Variants in PCSK9 observed in about 807,000 individuals in gnomAD.
The protein encoded by PCSK9 is proprotein convertase subtilisin/kexin type 9, also known as convertase subtilisin/kexin type 9 preproprotein.
In PCSK9, 57 loss-of-function variants were observed where a neutral mutation model predicts 62.1. That is an observed-to-expected ratio of 0.92 (90% CI 0.74 to 1.14). The LOEUF (loss-of-function observed/expected upper bound fraction) is 1.14. PCSK9 is among the 50% of genes most tolerant of loss of function. PCSK9 has a pLI of 0.00. For synonymous variants in PCSK9, 387 were observed against 409.4 expected, an observed-to-expected ratio of 0.95 and a Z score of 0.66; for missense variants, 870 against 959.8, an observed-to-expected ratio of 0.91 and a Z score of 1.24.
intron 3 of PCSK9, chr1:55,051,392 A>G: frequency 2.9e-6 from 1 of 339,226 alleles, no homozygotes; most frequent in Non-Finnish European, 5.8e-6. Context: ...TGCTAGCAGC[A>G]ACCTGCCTGA....
intron 3 of PCSK9, among the ~76,000 whole-genome samples, chr1:55,050,381 A>T (rs151039689): frequency 6.6e-6 from 1 of 152,122 alleles, no homozygotes; most frequent in Non-Finnish European, 1.5e-5. Context: ...TGGTCTCCAG[A>T]TGTCTTCAGG....
chr1:55,049,050 C>T (rs1417476203), intron 3 of PCSK9, among the ~76,000 whole-genome samples: 2 of 152,242 alleles, frequency 1.3e-5, no homozygotes, highest in Non-Finnish European at 2.9e-5. Context: ...TAAACAAATG[C>T]TACTTGACAC....
chr1:55,052,201 C>T (rs572435767), intron 3 of PCSK9, 77 bp from the exon 4 acceptor site: 334 of 1,597,010 alleles, frequency 2.1e-4, no homozygotes, highest in Non-Finnish European at 2.6e-4. Context: ...GGGATGTGCT[C>T]TGTAGTTTCT....
intron 3 of PCSK9, chr1:55,051,197 T>A (rs1212091991): frequency 2.2e-6 from 1 of 456,210 alleles, no homozygotes. Flanking sequence ...TGCAGCATAT[T>A]TGGAGGATCA....
intron 3 of PCSK9, 74 bp downstream of exon 3, chr1:55,046,720 C>A: frequency 1.3e-6 from 2 of 1,577,796 alleles, no homozygotes; most frequent in Non-Finnish European, 1.7e-6. Flanking sequence ...CCTGGCCTCC[C>A]TGCTGGTGGT....
At chr1:55,063,093 G>A (rs1644774942) in intron 11 of PCSK9, among the ~76,000 whole-genome samples, 1 of 152,138 alleles carries the variant, frequency 6.6e-6, no homozygotes, top group East Asian at 1.9e-4. Context: ...TCAGAGGGAT[G>A]AGTTTGGCAC....
Position 55,039,901 on chromosome 1 carries a change from C to T in PCSK9, c.64C>T (p.Leu22Phe), listed in dbSNP as rs1266907594. The T allele has an allele frequency of 6.4e-7, 1 of 1,566,250 alleles. No individual in the cohort carries two copies. Among genetic ancestry groups the T allele is most frequent in the Non-Finnish European group, 8.6e-7 (1 of 1,156,316 alleles). Residue 22 changes from leucine to phenylalanine, a missense_variant, in exon 1 of 12, where the codon CTC (leucine) becomes TTC (phenylalanine). Transcript: ENST00000302118. ...GCCACTGCTGCTGCTGCTGCTGCTGCTCCTGGGTCCCGCGGGCGCCCGTGC... is the reference window on the plus strand; with the variant it reads ...GCCACTGCTGCTGCTGCTGCTGCTGTTCCTGGGTCCCGCGGGCGCCCGTGC... ...PLPLLLLLLL[L>F]LGPAGARAQE...
At chr1:55,051,406 C>T (rs984423703) in intron 3 of PCSK9, 8 of 336,844 alleles carry the variant, frequency 2.4e-5, no homozygotes, top group Non-Finnish European at 3.5e-5. Flanking sequence ...TGCCTGAAGT[C>T]TTCCTTTGGC....
rs774274606 is a variant in PCSK9, at chr1:55,058,661, TC to T, written c.1503+16del. 1.9e-6 allele frequency: 3 copies of T among 1,592,616 alleles called. No individual in the cohort carries two copies. The highest frequency in any genetic ancestry group is 2.6e-6 in the Non-Finnish European group (3 of 1,172,610). On this transcript the variant is annotated intron_variant, in intron 9 of 11. Coordinates refer to ENST00000302118, the MANE Select transcript of PCSK9 (RefSeq NM_174936.4). ...GAGCGCATGGAGGTGACTGTACCCC[TC>T]CTTCGTGTGTGTGTGTGTGTGTGTG...
At chr1:55,050,786 T>G (rs1208619291) in intron 3 of PCSK9, 1 of 269,862 alleles carries the variant, frequency 3.7e-6, no homozygotes, top group Non-Finnish European at 7.2e-6. Flanking sequence ...TGTAGGGGGC[T>G]AAATAGTGGC....
rs1644685539 is a variant in PCSK9 at position 55,052,789 on chromosome 1, T to C, written c.797T>C (p.Ile266Thr). The C allele has an allele frequency of 6.2e-7, 1 of 1,613,060 alleles. No homozygotes were observed. Among genetic ancestry groups the C allele is most frequent in the Non-Finnish European group, 8.5e-7 (1 of 1,179,954 alleles). The change falls in exon 5 of 12, where the codon ATA (isoleucine) becomes ACA (threonine). Residue 266 changes from isoleucine to threonine, a missense_variant and splice_region_variant. Transcript: ENST00000302118. ...AAGGGCACGGTTAGCGGCACCCTCA[T>C]AGGTAAGTGATGGCCCCAGACGCTG... ...QGKGTVSGTL[I>T]GLEFIRKSQL...
Position 55,058,692 on chromosome 1 carries a change from T to C in PCSK9, c.1503+45T>C, listed in dbSNP as rs747797851. 4 of 1,541,620 alleles carry C rather than the reference T, an allele frequency of 2.6e-6. No homozygotes were observed. The African/African-American group carries it at 4.1e-5, about 16-fold the overall frequency. Reference sequence around the variant, plus strand: ...GTGTGTGTGTGTGTGTGTGTGTGTGTGTGTGTGTGTGTGTGTGTGTGTGTG... The same window carrying C: ...GTGTGTGTGTGTGTGTGTGTGTGTGCGTGTGTGTGTGTGTGTGTGTGTGTG... On this transcript the variant is annotated intron_variant, in intron 9 of 11. Coordinates refer to ENST00000302118, the MANE Select transcript of PCSK9 (RefSeq NM_174936.4).
Position 55,046,503 on chromosome 1 carries a change from G to A in PCSK9, c.400-20G>A, listed in dbSNP as rs949253220. ...CCAAATGGCTTAAGCAGAGTCCCCCGGCCTCTCTGGCTTCTGCAGGCCTTG... is the reference window on the plus strand; with the variant it reads ...CCAAATGGCTTAAGCAGAGTCCCCCAGCCTCTCTGGCTTCTGCAGGCCTTG... On this transcript the variant is annotated intron_variant, in intron 2 of 11. Coordinates refer to ENST00000302118, the MANE Select transcript of PCSK9 (RefSeq NM_174936.4). 20 of 1,614,036 alleles carry A rather than the reference G, an allele frequency of 1.2e-5. No individual in the cohort carries two copies. In the South Asian group the frequency reaches 1.5e-4, roughly 12 times the overall value.
chr1:55,047,938 G>C (rs1458010885), intron 3 of PCSK9, among the ~76,000 whole-genome samples: 1 of 152,184 alleles, frequency 6.6e-6, no homozygotes, highest in Non-Finnish European at 1.5e-5. Context: ...CCCGGAGCAG[G>C]CTAATATCAG....
At chr1:55,050,092 G>A (rs1644662372) in intron 3 of PCSK9, among the ~76,000 whole-genome samples, 1 of 152,246 alleles carries the variant, frequency 6.6e-6, no homozygotes, top group African/African-American at 2.4e-5. Context: ...CCTCTGTGCT[G>A]TCTTCTAGAT....
At chr1:55,057,154 G>A (rs1050726701) in intron 6 of PCSK9, among the ~76,000 whole-genome samples, 177 bp from the exon 7 acceptor site, 3 of 152,220 alleles carry the variant, frequency 2.0e-5, no homozygotes, top group Non-Finnish European at 4.4e-5. Flanking sequence ...GCACCAGGGC[G>A]GGGCAGGGGT....
At chr1:55,051,404 G>A (rs1414174768) in intron 3 of PCSK9, 1 of 337,502 alleles carries the variant, frequency 3.0e-6, no homozygotes, top group Non-Finnish European at 5.8e-6. Context: ...CCTGCCTGAA[G>A]TCTTCCTTTG....
At chr1:55,052,889 G>C (rs1644686840) in intron 5 of PCSK9, 98 bp downstream of exon 5, 3 of 1,575,152 alleles carry the variant, frequency 1.9e-6, no homozygotes, top group Non-Finnish European at 1.7e-6. Context: ...TCCTAACCAA[G>C]AATGCTGTGG....
At chr1:55,041,080 G>T (rs929228877) in intron 1 of PCSK9, among the ~76,000 whole-genome samples, 1 of 152,186 alleles carries the variant, frequency 6.6e-6, no homozygotes, top group Non-Finnish European at 1.5e-5. Context: ...GGTGACAATC[G>T]TCCCTACGGC....
Sources: gnomAD v4.1 joint callset for allele counts (sites outside exome capture counted in the v4.1 genomes callset) on GRCh38, gnomAD v4.1.1 for gene constraint, MANE v1.5 for transcripts, NCBI Gene and HGNC (gene_info 2026-07-23, HGNC 2026-07-21) for gene names.